Variants in TASP1 observed in about 807,000 individuals in gnomAD.
TASP1 encodes the protein threonine aspartase 1.
In TASP1, 16 loss-of-function variants were observed where a neutral mutation model predicts 56.6. The ratio of observed to expected loss-of-function variants is 0.28; its 90% confidence interval spans 0.19 to 0.43. The LOEUF is 0.43. TASP1 is among the 20% of genes least tolerant of loss of function. The pLI, the probability that TASP1 is intolerant of heterozygous loss-of-function variation, is 1.00. For missense variants in TASP1, 393 were observed against 511.6 expected, an observed-to-expected ratio of 0.77 and a Z score of 2.24; for synonymous variants, 179 against 184.2, an observed-to-expected ratio of 0.97 and a Z score of 0.23.
chr20:13,127,130 C>G, the TASP1 span, among the ~76,000 whole-genome samples: 1 of 152,338 alleles, frequency 6.6e-6, no homozygotes, highest in East Asian at 1.9e-4. Flanking sequence ...AGAGGTTGGA[C>G]AGTGGAAGGC....
At chr20:13,330,706 TTCAGGTA>T in the TASP1 span, among the ~76,000 whole-genome samples, 1 of 152,224 alleles carries the variant, frequency 6.6e-6, no homozygotes, top group African/African-American at 2.4e-5. Context: ...TATAGAACTA[TTCAGGTA>T]TCTATTTTAT....
intron 10 of TASP1, among the ~76,000 whole-genome samples, chr20:13,511,632 G>C (rs1244465744): frequency 1.3e-5 from 2 of 151,800 alleles, no homozygotes; most frequent in Non-Finnish European, 2.9e-5. Context: ...TTAAGTTCTA[G>C]GGTACATGTG....
chr20:13,355,797 T>A, the TASP1 span, among the ~76,000 whole-genome samples: 2 of 152,220 alleles, frequency 1.3e-5, no homozygotes, highest in Non-Finnish European at 2.9e-5. Flanking sequence ...GACAACTTAA[T>A]TTAACTGCAC....
intron 8 of TASP1, among the ~76,000 whole-genome samples, chr20:13,545,446 A>G (rs2045772511): frequency 6.6e-6 from 1 of 152,200 alleles, no homozygotes; most frequent in South Asian, 2.1e-4. Flanking sequence ...TCATTTGGTC[A>G]GAAGTACGAT....
the TASP1 span, among the ~76,000 whole-genome samples, chr20:13,265,631 T>C: frequency 6.6e-6 from 1 of 152,226 alleles, no homozygotes; most frequent in Non-Finnish European, 1.5e-5. Flanking sequence ...GTCCAAGGAA[T>C]GCTGGTTCCT....
the TASP1 span, among the ~76,000 whole-genome samples, chr20:13,275,835 TC>T: frequency 2.0e-5 from 3 of 152,198 alleles, no homozygotes; most frequent in Non-Finnish European, 2.9e-5. Context: ...AAGAACTGGT[TC>T]AGAGACCAAC....
At chr20:13,297,849 C>G in the TASP1 span, among the ~76,000 whole-genome samples, 13 of 152,148 alleles carry the variant, frequency 8.5e-5, no homozygotes, top group Non-Finnish European at 1.9e-4. Context: ...GATTTTGACC[C>G]AGGCCTACAG....
At chr20:13,141,016 A>C in the TASP1 span, among the ~76,000 whole-genome samples, 1 of 152,318 alleles carries the variant, frequency 6.6e-6, no homozygotes, top group Middle Eastern at 3.4e-3. Flanking sequence ...GGTCCCTGCA[A>C]CAAGGCACAC....
chr20:13,400,739 C>T (rs567804440), intron 13 of TASP1, among the ~76,000 whole-genome samples: 9 of 152,230 alleles, frequency 5.9e-5, no homozygotes, highest in Non-Finnish European at 1.3e-4. Flanking sequence ...GAGAGAACAG[C>T]GCAACCATAG....
At chr20:13,576,592 T>A (rs999620453) in intron 6 of TASP1, among the ~76,000 whole-genome samples, 5 of 152,084 alleles carry the variant, frequency 3.3e-5, no homozygotes, top group African/African-American at 1.2e-4. Flanking sequence ...TAATAAAAGC[T>A]GTGCAAGATC....
At chr20:13,268,069 G>A in the TASP1 span, among the ~76,000 whole-genome samples, 23 of 151,112 alleles carry the variant, frequency 1.5e-4, no homozygotes, top group Admixed American at 1.2e-3. Flanking sequence ...ATGTCATCGA[G>A]AAATCTTATG....
At chr20:13,413,403 T>C (rs1313881278) in intron 13 of TASP1, among the ~76,000 whole-genome samples, 1 of 151,778 alleles carries the variant, frequency 6.6e-6, no homozygotes, top group Non-Finnish European at 1.5e-5. Flanking sequence ...AGCTGAGTAA[T>C]ATAACAAAAA....
chr20:13,379,222 C>T, the TASP1 span, among the ~76,000 whole-genome samples: 1 of 152,136 alleles, frequency 6.6e-6, no homozygotes, highest in Non-Finnish European at 1.5e-5. Context: ...TTGGTTTTAC[C>T]TTTCCATATT....
chr20:13,117,537 A>G, the TASP1 span: 19 of 1,608,234 alleles, frequency 1.2e-5, no homozygotes, highest in Non-Finnish European at 1.6e-5. Context: ...TCTGCCCCAG[A>G]TCATAGCTCT....
chr20:13,362,015 A>G, the TASP1 span, among the ~76,000 whole-genome samples: 1 of 149,226 alleles, frequency 6.7e-6, no homozygotes, highest in East Asian at 2.0e-4. Context: ...TCTATACCAC[A>G]AATGTTTCTT....
intron 9 of TASP1, among the ~76,000 whole-genome samples, chr20:13,530,023 A>T (rs2045158678): frequency 1.3e-5 from 2 of 151,746 alleles, no homozygotes; most frequent in Non-Finnish European, 2.9e-5. Flanking sequence ...AAGTACTGTA[A>T]CCTCCCCCAG....
the TASP1 span, among the ~76,000 whole-genome samples, chr20:13,354,933 T>TAA: frequency 2.0e-5 from 3 of 152,066 alleles, no homozygotes; most frequent in Admixed American, 1.3e-4. Flanking sequence ...AACAACCAAA[T>TAA]AAAACATTGT....
the TASP1 span, among the ~76,000 whole-genome samples, chr20:13,127,140 C>A: frequency 6.6e-6 from 1 of 152,178 alleles, no homozygotes; most frequent in African/African-American, 2.4e-5. Context: ...CAGTGGAAGG[C>A]CACCACTGGC....
chr20:13,191,537 G>T, the TASP1 span, among the ~76,000 whole-genome samples: 1 of 152,058 alleles, frequency 6.6e-6, no homozygotes, highest in Non-Finnish European at 1.5e-5. Context: ...AGCTAAAAAC[G>T]TTGGTTACAT....
Sources: gnomAD v4.1 joint callset for allele counts (sites outside exome capture counted in the v4.1 genomes callset) on GRCh38, gnomAD v4.1.1 for gene constraint, MANE v1.5 for transcripts, NCBI Gene and HGNC (gene_info 2026-07-23, HGNC 2026-07-21) for gene names.